Variants in LIPA observed in about 807,000 individuals in gnomAD.
LIPA encodes lipase A, lysosomal acid type, also known as lysosomal acid lipase/cholesteryl ester hydrolase.
In LIPA, 26 loss-of-function variants were observed where a neutral mutation model predicts 40.6. The observed-to-expected ratio is 0.64, with a 90% CI of 0.47 to 0.89. The LOEUF (loss-of-function observed/expected upper bound fraction) is 0.89. Ranked by LOEUF, LIPA falls within the 40% of genes least tolerant of loss-of-function variation. The pLI is 0.00. For synonymous variants in LIPA, 188 were observed against 168.4 expected, an observed-to-expected ratio of 1.12 and a Z score of -0.90; for missense variants, 455 against 479.6, an observed-to-expected ratio of 0.95 and a Z score of 0.48.
At chr10:89,280,614 G>A (rs1026929704) in intron 1 of LIPA, among the ~76,000 whole-genome samples, 5 of 152,196 alleles carry the variant, frequency 3.3e-5, no homozygotes, top group African/African-American at 1.2e-4. Context: ...TCCAGTCAGA[G>A]TTTCTCATGT....
At chr10:89,394,865 A>G (rs1844318865) in intron 2 of LIPA, among the ~76,000 whole-genome samples, 2 of 151,942 alleles carry the variant, frequency 1.3e-5, no homozygotes, top group African/African-American at 2.4e-5. Context: ...CCCAGGCCCC[A>G]GCAACTGTTA....
Position 89,220,961 on chromosome 10 carries a change from C to T in LIPA, c.894+1550G>A, listed in dbSNP as rs529654321. Among the ~76,000 whole-genome samples the T allele has an allele frequency of 2.0e-5, 3 of 151,762 alleles. No homozygotes were observed. The South Asian group carries it at 6.2e-4, about 32-fold the overall frequency. On this transcript the variant is annotated intron_variant, in intron 8 of 9. Coordinates refer to ENST00000336233, the MANE Select transcript of LIPA (RefSeq NM_000235.4). ...AGTATTCTGAGTGGAAGAAGCCAGA[C>T]AAAAACAAGTATAAACTGCATGACT... is the stretch of plus-strand genomic sequence containing the variant.
At chr10:89,281,947 A>T (rs1843318439) in intron 1 of LIPA, among the ~76,000 whole-genome samples, 1 of 152,220 alleles carries the variant, frequency 6.6e-6, no homozygotes, top group South Asian at 2.1e-4. Context: ...CAGAATAAAC[A>T]GTTATGGTAC....
chr10:89,290,771 G>T (rs747191025), intron 1 of LIPA, among the ~76,000 whole-genome samples: 2 of 152,020 alleles, frequency 1.3e-5, no homozygotes, highest in African/African-American at 4.8e-5. Flanking sequence ...CTTATAAAAC[G>T]GCCCCGGCCC....
chr10:89,359,499 G>T (rs1844007841), intron 2 of LIPA, among the ~76,000 whole-genome samples: 1 of 152,140 alleles, frequency 6.6e-6, no homozygotes, highest in African/African-American at 2.4e-5. Flanking sequence ...AGGTTGACCT[G>T]CCCAGGGCCT....
intron 2 of LIPA, chr10:89,403,566 C>T (rs571195246): frequency 1.7e-5 from 28 of 1,613,952 alleles, no homozygotes; most frequent in East Asian, 2.2e-5. Flanking sequence ...AAGGAAACTT[C>T]GGAGAAAGGC....
At chr10:89,228,452 T>A (rs1589558520) in intron 3 of LIPA, 54 bp from the exon 4 acceptor site, 4 of 1,389,222 alleles carry the variant, frequency 2.9e-6, no homozygotes, top group Non-Finnish European at 4.1e-6. Flanking sequence ...AAAACAAATA[T>A]GATATCTTGC....
intron 1 of LIPA, among the ~76,000 whole-genome samples, chr10:89,257,361 GGTGT>G (rs112130053): frequency 6.6e-6 from 1 of 151,124 alleles, no homozygotes; most frequent in African/African-American, 2.4e-5. Flanking sequence ...AGGTAGTAGT[GGTGT>G]GTGTGTGTGT....
Position 89,229,752 on chromosome 10 carries a change from CA to C in LIPA, c.230-1355del, listed in dbSNP as rs11388104. Among the ~76,000 whole-genome samples the C allele has an allele frequency of 3.0e-3, 346 of 115,804 alleles. 4 individuals are homozygous for C. The East Asian group carries it at 0.046, about 15-fold the overall frequency. The allele number at this position is 115,804 out of a possible 152,430, so 76.0% of individuals were successfully genotyped here. The stretch of plus-strand genomic sequence containing the variant: ...TAGGGGACAGAGGGAGACTCAGTCT[CA>C]AAAAAAAAAAAAAAAGGGAACCCTA... On this transcript the variant is annotated intron_variant, in intron 3 of 9. Coordinates refer to ENST00000336233, the MANE Select transcript of LIPA (RefSeq NM_000235.4).
chr10:89,301,772 G>C (rs1157946377), intron 1 of LIPA, among the ~76,000 whole-genome samples: 1 of 152,072 alleles, frequency 6.6e-6, no homozygotes, highest in African/African-American at 2.4e-5. Flanking sequence ...AATAAGAGAG[G>C]GACAGTGCAC....
chr10:89,308,542 A>G (rs1843497944), intron 1 of LIPA: 1 of 152,176 alleles, frequency 6.6e-6, no homozygotes, highest in Non-Finnish European at 1.5e-5. Context: ...ATCTTCTGAG[A>G]AATCACAAAA....
Position 89,214,606 on chromosome 10 carries a change from T to C in LIPA, c.*222A>G. The C allele has an allele frequency of 1.9e-6, 1 of 521,908 alleles. No homozygotes were observed. Among genetic ancestry groups the C allele is most frequent in the Non-Finnish European group, 3.4e-6 (1 of 291,800 alleles). The allele number at this position is 521,908 out of a possible 1,614,324, so 32.3% of individuals were successfully genotyped here. A position where few individuals can be genotyped will look rare whatever the true frequency, so the allele number is the denominator to read the frequency against. On this transcript the variant is annotated 3_prime_UTR_variant, in exon 10 of 10. Transcript: ENST00000336233. ...AGACTTAAAGAGACAATACTATGGTTGAGACACTGGCTTCCTATTCCAGCC... is the reference window on the plus strand; with the variant it reads ...AGACTTAAAGAGACAATACTATGGTCGAGACACTGGCTTCCTATTCCAGCC...
intron 2 of LIPA, chr10:89,378,028 T>G (rs1211030993): frequency 8.3e-7 from 1 of 1,206,318 alleles, no homozygotes; most frequent in Admixed American, 1.9e-5. Context: ...CTCCCATATA[T>G]AAGCACCATG....
intron 2 of LIPA, among the ~76,000 whole-genome samples, chr10:89,409,975 T>C (rs1841457054): frequency 6.6e-6 from 1 of 152,212 alleles, no homozygotes. Context: ...ACTCAAGCTC[T>C]AGCCTTAAGC....
At chr10:89,273,822 T>A (rs1190154393) in intron 1 of LIPA, among the ~76,000 whole-genome samples, 1 of 152,222 alleles carries the variant, frequency 6.6e-6, no homozygotes, top group East Asian at 1.9e-4. Context: ...GAAGAATTCA[T>A]AGGGCCAGAG....
At chr10:89,393,268 TACAACA>T (rs1844284604) in intron 2 of LIPA, 1 of 1,289,560 alleles carries the variant, frequency 7.8e-7, no homozygotes, top group Non-Finnish European at 1.0e-6. Flanking sequence ...GCTGGCCTCT[TACAACA>T]GGTTTTCGCA....
chr10:89,328,440 T>G (rs2133538138), intron 1 of LIPA, among the ~76,000 whole-genome samples: 1 of 152,358 alleles, frequency 6.6e-6, no homozygotes, highest in South Asian at 2.1e-4. Flanking sequence ...AGGGTAGACC[T>G]AAGGGAATTA....
At chr10:89,367,066 A>G (rs1047639028) in intron 2 of LIPA, among the ~76,000 whole-genome samples, 1 of 152,008 alleles carries the variant, frequency 6.6e-6, no homozygotes, top group African/African-American at 2.4e-5. Flanking sequence ...TCAGCAAACT[A>G]TCTCAAGGAC....
intron 1 of LIPA, among the ~76,000 whole-genome samples, chr10:89,261,739 C>G (rs1217478161): frequency 6.6e-6 from 1 of 152,080 alleles, no homozygotes; most frequent in Non-Finnish European, 1.5e-5. Context: ...GTGGTTTATT[C>G]TTATTCTTCC....
Sources: allele counts gnomAD v4.1 joint callset (sites outside exome capture counted in the v4.1 genomes callset), GRCh38; gene constraint gnomAD v4.1.1; transcripts MANE v1.5; gene names NCBI Gene and HGNC (gene_info 2026-07-23, HGNC 2026-07-21).